Variants in RNFT2 observed in about 807,000 individuals in gnomAD.
RNFT2 encodes the protein ring finger protein, transmembrane 2.
In RNFT2, 36 loss-of-function variants were observed where a neutral mutation model predicts 53.0. The ratio of observed to expected loss-of-function variants is 0.68; its 90% CI spans 0.52 to 0.90. The LOEUF (loss-of-function observed/expected upper bound fraction) is 0.90. Among genes scored for constraint, RNFT2 ranks in the 40% least tolerant of loss-of-function variants. The pLI is 0.00. For synonymous variants in RNFT2, 260 were observed against 253.2 expected (o/e 1.03, Z -0.26); for missense variants, 514 against 585.6 (o/e 0.88, Z 1.26).
intron 7 of RNFT2, among the ~76,000 whole-genome samples, chr12:116,821,787 T>C (rs1308562501): frequency 1.3e-5 from 2 of 151,282 alleles, no homozygotes; most frequent in East Asian, 3.9e-4. Flanking sequence ...TCCTCCTTTT[T>C]CTGACTACTT....
intron 7 of RNFT2, among the ~76,000 whole-genome samples, chr12:116,830,025 T>C (rs1876558318): frequency 6.6e-6 from 1 of 152,116 alleles, no homozygotes; most frequent in Admixed American, 6.6e-5. Flanking sequence ...TTTGCTTGGG[T>C]CAAATGATAT....
chr12:116,755,245 T>C (rs2029854), intron 5 of RNFT2: 544,055 of 585,488 alleles, frequency 0.93, 253,680 homozygotes, highest in Non-Finnish European at 0.95. Flanking sequence ...GAAAAGGGTG[T>C]CCTTTCCCCA....
chr12:116,762,741 A>G (rs1285392641), intron 5 of RNFT2, among the ~76,000 whole-genome samples: 2 of 151,982 alleles, frequency 1.3e-5, no homozygotes, highest in Non-Finnish European at 2.9e-5. Context: ...CCTCCTGAGT[A>G]GCTGAGATTA....
intron 6 of RNFT2, among the ~76,000 whole-genome samples, chr12:116,770,796 T>A (rs770978159): frequency 2.0e-5 from 3 of 152,124 alleles, no homozygotes; most frequent in African/African-American, 4.8e-5. Context: ...TTGCCTCAAG[T>A]GATCCACCCA....
intron 4 of RNFT2, among the ~76,000 whole-genome samples, chr12:116,750,634 C>T (rs541145162): frequency 6.6e-6 from 1 of 151,200 alleles, no homozygotes; most frequent in Admixed American, 6.6e-5. Flanking sequence ...TAGCTCTGTC[C>T]CCTCCTAGTT....
intron 5 of RNFT2, chr12:116,755,831 A>G: frequency 1.8e-5 from 29 of 1,572,364 alleles, no homozygotes; most frequent in Non-Finnish European, 2.5e-5. Context: ...AGGCCTAGAG[A>G]ACATATATCG....
chr12:116,807,723 C>T (rs1875150396), intron 7 of RNFT2, among the ~76,000 whole-genome samples: 1 of 152,162 alleles, frequency 6.6e-6, no homozygotes, highest in Non-Finnish European at 1.5e-5. Flanking sequence ...CCCTTGTCCC[C>T]AGCCTCCTTA....
chr12:116,817,739 C>T (rs779121436), intron 7 of RNFT2, among the ~76,000 whole-genome samples: 5 of 152,220 alleles, frequency 3.3e-5, no homozygotes, highest in Non-Finnish European at 7.3e-5. Flanking sequence ...TGGAGTAAGA[C>T]CACACTTTAC....
intron 10 of RNFT2, among the ~76,000 whole-genome samples, chr12:116,846,437 A>ATTTTTTTTT (rs35922781): frequency 1.9e-5 from 2 of 104,398 alleles, no homozygotes; most frequent in Non-Finnish European, 1.8e-5. Flanking sequence ...TGCCCAGCTA[A>ATTTTTTTTT]TTTTTTTTTT....
chr12:116,823,854 A>T (rs1876187610), intron 7 of RNFT2, among the ~76,000 whole-genome samples: 1 of 152,180 alleles, frequency 6.6e-6, no homozygotes. Flanking sequence ...ACATTTGCTC[A>T]TTCATCCTCC....
At chr12:116,789,741 G>A (rs1175673939) in intron 7 of RNFT2, among the ~76,000 whole-genome samples, 3 of 144,868 alleles carry the variant, frequency 2.1e-5, no homozygotes, top group Admixed American at 6.9e-5. Context: ...GGATGGATGG[G>A]TGGATGGGTA....
intron 6 of RNFT2, among the ~76,000 whole-genome samples, chr12:116,771,047 TTGAA>T (rs1873152595): frequency 6.6e-6 from 1 of 151,994 alleles, no homozygotes; most frequent in Non-Finnish European, 1.5e-5. Flanking sequence ...TCCAACAAAG[TTGAA>T]TGGTTATGGC....
chr12:116,805,050 G>T (rs905950217), intron 7 of RNFT2, among the ~76,000 whole-genome samples: 1 of 151,276 alleles, frequency 6.6e-6, no homozygotes, highest in Non-Finnish European at 1.5e-5. Flanking sequence ...TAAGCTTTTC[G>T]CATTACTTTG....
At chr12:116,816,018 G>A (rs985795265) in intron 7 of RNFT2, among the ~76,000 whole-genome samples, 5 of 152,154 alleles carry the variant, frequency 3.3e-5, no homozygotes, top group Admixed American at 3.3e-4. Flanking sequence ...AAACAGCCAG[G>A]CTTGGGCAGT....
At chr12:116,804,314 C>A (rs1250962744) in intron 7 of RNFT2, among the ~76,000 whole-genome samples, 3 of 152,160 alleles carry the variant, frequency 2.0e-5, no homozygotes, top group Admixed American at 6.5e-5. Flanking sequence ...TCAGACCCCA[C>A]CCCAGACCTA....
intron 7 of RNFT2, among the ~76,000 whole-genome samples, chr12:116,782,821 G>T (rs1298826970): frequency 6.6e-6 from 1 of 152,136 alleles, no homozygotes; most frequent in East Asian, 1.9e-4. Context: ...TTTCTATCCA[G>T]GTCTGGTAAC....
intron 7 of RNFT2, chr12:116,800,914 G>A (rs1482957041): frequency 1.3e-5 from 2 of 151,982 alleles, no homozygotes; most frequent in Admixed American, 1.3e-4. Context: ...GTTTGTGAAG[G>A]GTCACTGCTG....
intron 7 of RNFT2, among the ~76,000 whole-genome samples, chr12:116,804,380 G>C (rs1394710270): frequency 6.6e-6 from 1 of 152,166 alleles, no homozygotes; most frequent in Non-Finnish European, 1.5e-5. Context: ...AAATCCTCCA[G>C]ATAATTTGAA....
At chr12:116,755,640 G>C in intron 5 of RNFT2, 1 of 1,261,382 alleles carries the variant, frequency 7.9e-7, no homozygotes, top group Non-Finnish European at 1.2e-6. Flanking sequence ...CCCTTAACTT[G>C]TTTGTTTACA....
Sources: allele counts gnomAD v4.1 joint callset (sites outside exome capture counted in the v4.1 genomes callset), GRCh38; gene constraint gnomAD v4.1.1; transcripts MANE v1.5; gene names NCBI Gene and HGNC (gene_info 2026-07-23, HGNC 2026-07-21).